Variants in WDHD1 observed in about 807,000 individuals in gnomAD.
WDHD1 encodes WD repeat and HMG-box DNA-binding protein 1.
WDHD1 carries 111 observed loss-of-function variants against 135.4 expected under a neutral mutation model. The ratio of observed to expected loss-of-function variants is 0.82; its 90% CI spans 0.70 to 0.96. The LOEUF is 0.96. WDHD1 is among the 40% of genes least tolerant of loss of function. The pLI is 0.00. For synonymous variants in WDHD1, 434 were observed against 439.0 expected, an observed-to-expected ratio of 0.99 and a Z score of 0.14; for missense variants, 1,351 against 1,336.3, an observed-to-expected ratio of 1.01 and a Z score of -0.17.
chr14:54,989,677 T>C (rs913750087), intron 12 of WDHD1, among the ~76,000 whole-genome samples: 11 of 152,058 alleles, frequency 7.2e-5, no homozygotes, highest in Non-Finnish European at 1.6e-4. Context: ...TTTTTTTTTT[T>C]TGGAGACAGT....
chr14:54,971,071 T>G (rs1395369726), intron 16 of WDHD1, among the ~76,000 whole-genome samples: 1 of 152,220 alleles, frequency 6.6e-6, no homozygotes, highest in Non-Finnish European at 1.5e-5. Context: ...ACTATCACCA[T>G]GTGCAAAAAT....
intron 21 of WDHD1, among the ~76,000 whole-genome samples, chr14:54,959,021 G>A (rs1430442903): frequency 2.6e-5 from 4 of 152,044 alleles, no homozygotes; most frequent in Non-Finnish European, 5.9e-5. Context: ...TCCTGACTTA[G>A]GAAATGGCAC....
chr14:54,990,519 C>T lies in WDHD1; in HGVS notation c.1341+694G>A, dbSNP rs574678225. Among the ~76,000 whole-genome samples the T allele has an allele frequency of 7.3e-5, 11 of 151,566 alleles. No individual in the cohort carries two copies. The South Asian group carries it at 2.3e-3, about 32-fold the overall frequency. ...GCTGAGGCAGGAGAATGGCGTGAAC[C>T]TGGGAGGCGGAGCTTGCAGTGAGCA... On this transcript the variant is annotated intron_variant, in intron 12 of 25. Transcript: ENST00000360586.
intron 16 of WDHD1, among the ~76,000 whole-genome samples, chr14:54,972,258 G>A (rs1019650612): frequency 6.9e-6 from 1 of 145,238 alleles, no homozygotes; most frequent in African/African-American, 2.6e-5. Flanking sequence ...CTGGGAGACA[G>A]AGTGAGACTC....
intron 10 of WDHD1, among the ~76,000 whole-genome samples, chr14:54,997,432 T>C (rs1191193758): frequency 6.6e-6 from 1 of 152,144 alleles, no homozygotes; most frequent in African/African-American, 2.4e-5. Flanking sequence ...AACATAACTG[T>C]GCTCTGAAAA....
intron 16 of WDHD1, among the ~76,000 whole-genome samples, chr14:54,978,693 AACC>A (rs1301857671): frequency 3.3e-5 from 5 of 152,190 alleles, no homozygotes; most frequent in African/African-American, 4.8e-5. Flanking sequence ...ACACAGAAAT[AACC>A]ACCAATTCCT....
At chr14:54,999,795 T>C (rs2041950069) in intron 10 of WDHD1, among the ~76,000 whole-genome samples, 1 of 152,012 alleles carries the variant, frequency 6.6e-6, no homozygotes, top group African/African-American at 2.4e-5. Flanking sequence ...TTTGTAGAGA[T>C]GGGGTCCCAC....
At chr14:55,019,410 T>C (rs1315906629) in intron 2 of WDHD1, among the ~76,000 whole-genome samples, 1 of 152,236 alleles carries the variant, frequency 6.6e-6, no homozygotes, top group Non-Finnish European at 1.5e-5. Context: ...TGTCAATGTA[T>C]TCACGTATTT....
At chr14:54,999,812 G>A (rs2041950434) in intron 10 of WDHD1, among the ~76,000 whole-genome samples, 1 of 152,012 alleles carries the variant, frequency 6.6e-6, no homozygotes, top group Non-Finnish European at 1.5e-5. Context: ...CCACCATGTT[G>A]CCCAGGCTGA....
intron 2 of WDHD1, among the ~76,000 whole-genome samples, chr14:55,025,787 T>C (rs1286167871): frequency 1.3e-5 from 2 of 152,242 alleles, no homozygotes; most frequent in Non-Finnish European, 1.5e-5. Context: ...TCTTTGAGCA[T>C]ACCATGATCC....
intron 16 of WDHD1, among the ~76,000 whole-genome samples, chr14:54,967,695 A>T (rs2041367735): frequency 6.6e-6 from 1 of 152,128 alleles, no homozygotes; most frequent in African/African-American, 2.4e-5. Context: ...ATCACGGCTC[A>T]CTGAAGCCCC....
intron 16 of WDHD1, among the ~76,000 whole-genome samples, chr14:54,980,415 C>T (rs2041598601): frequency 6.6e-6 from 1 of 152,028 alleles, no homozygotes; most frequent in African/African-American, 2.4e-5. Context: ...TTCATCACCC[C>T]AAAAAGAAAT....
At chr14:54,969,315 C>T (rs564789454) in intron 16 of WDHD1, among the ~76,000 whole-genome samples, 10 of 149,030 alleles carry the variant, frequency 6.7e-5, no homozygotes, top group African/African-American at 1.5e-4. Context: ...CGTGAGCCAC[C>T]GCGCCCAGCA....
intron 16 of WDHD1, among the ~76,000 whole-genome samples, chr14:54,974,997 C>T (rs931060923): frequency 2.0e-5 from 3 of 152,200 alleles, no homozygotes; most frequent in Non-Finnish European, 2.9e-5. Context: ...AGCATAATGA[C>T]TTTACAAGCC....
chr14:54,960,573 TA>T (rs2140165115), intron 21 of WDHD1, among the ~76,000 whole-genome samples: 1 of 150,010 alleles, frequency 6.7e-6, no homozygotes, highest in South Asian at 2.1e-4. Flanking sequence ...GATCTCCACT[TA>T]CTGCAACTCC....
intron 24 of WDHD1, among the ~76,000 whole-genome samples, chr14:54,953,645 T>C (rs1480458703): frequency 1.3e-5 from 2 of 152,172 alleles, no homozygotes; most frequent in African/African-American, 4.8e-5. Context: ...GGATTATAAA[T>C]CATGCTGCTA....
In WDHD1 at chr14:55,007,308, C is replaced by T. The variant is rs1390023355; in HGVS notation, c.572G>A (p.Arg191Lys). The T allele has an allele frequency of 4.4e-6, 7 of 1,605,122 alleles. No individual in the cohort carries two copies. The highest frequency in any genetic ancestry group is 5.9e-6 in the Non-Finnish European group (7 of 1,177,566). Reference protein sequence around the residue: ...NDVINAKSICRLAWQPKSGKL... With the variant: ...NDVINAKSICKLAWQPKSGKL... ...CCCACTTTTTGGCTGCCAAGCAAGT[C>T]TGCAGATTGATTTTGCATTTATCAC... The change falls in exon 7 of 26, where the codon AGA (arginine) becomes AAA (lysine). Residue 191 changes from arginine to lysine, a missense_variant. Around this residue, in one of 2 missense-constraint regions of WDHD1, gnomAD observed 1,330 missense variants for 1,296.1 expected, o/e 1.03. Coordinates refer to ENST00000360586, the MANE Select transcript of WDHD1 (RefSeq NM_007086.4).
intron 24 of WDHD1, among the ~76,000 whole-genome samples, chr14:54,948,546 C>A (rs1595055651): frequency 6.6e-6 from 1 of 152,216 alleles, no homozygotes; most frequent in East Asian, 1.9e-4. Flanking sequence ...AGGAGTCCTG[C>A]CTGCCTCTGT....
chr14:55,013,228 C>A (rs549488759), intron 3 of WDHD1, among the ~76,000 whole-genome samples: 4 of 120,554 alleles, frequency 3.3e-5, no homozygotes, highest in East Asian at 2.1e-4. Context: ...ATTGGTGGGG[C>A]AAGTTATGGC....
Sources: allele counts gnomAD v4.1 joint callset (sites outside exome capture counted in the v4.1 genomes callset), GRCh38; gene constraint gnomAD v4.1.1; regional missense constraint gnomAD v4.1.1; transcripts MANE v1.5; gene names NCBI Gene and HGNC (gene_info 2026-07-23, HGNC 2026-07-21).